The following RNF144A variants were observed in gnomAD, a reference collection of about 807,000 sequenced individuals.
RNF144A encodes E3 ubiquitin-protein ligase RNF144A.
A neutral mutation model predicts 38.7 loss-of-function variants in RNF144A; 11 were observed. That is an observed-to-expected ratio of 0.28 (90% confidence interval 0.18 to 0.47). The LOEUF (loss-of-function observed/expected upper bound fraction) is 0.47. RNF144A is among the 20% of genes least tolerant of loss of function. RNF144A has a pLI of 0.99. For synonymous variants in RNF144A, 149 were observed against 143.9 expected (o/e 1.04, Z -0.25); for missense variants, 316 against 377.2 (o/e 0.84, Z 1.34).
At chr2:6,959,865 C>T (rs1667231096) in intron 2 of RNF144A, among the ~76,000 whole-genome samples, 2 of 152,182 alleles carry the variant, frequency 1.3e-5, no homozygotes, top group South Asian at 4.1e-4. Flanking sequence ...AACCATAGCA[C>T]TGGAGCAGCA....
chr2:6,971,235 C>T (rs1030847604), intron 2 of RNF144A, among the ~76,000 whole-genome samples: 2 of 152,096 alleles, frequency 1.3e-5, no homozygotes, highest in African/African-American at 4.8e-5. Flanking sequence ...CCTCTTGGGA[C>T]GGGTGTGCTG....
At chr2:7,006,271 A>G (rs549372890) in intron 3 of RNF144A, among the ~76,000 whole-genome samples, 18 of 151,998 alleles carry the variant, frequency 1.2e-4, no homozygotes, top group African/African-American at 3.6e-4. Flanking sequence ...CTTGATGTGT[A>G]TTTTTCCTAA....
In RNF144A at chr2:7,039,912, C is replaced by T. The variant is rs990043368; in HGVS notation, c.*152C>T. On this transcript the variant is annotated 3_prime_UTR_variant, in exon 9 of 9. Transcript: ENST00000320892. ...AGGCTGGACGCCGTGATTTCAGGGA[C>T]CTATGTCACAATGTTCGCTGAGGCC... 2.1e-5 allele frequency: 30 copies of T among 1,437,102 alleles called. No homozygotes were observed. In the South Asian group the frequency reaches 4.4e-4, roughly 21 times the overall value. The allele number at this position is 1,437,102 out of a possible 1,614,324, so 89.0% of individuals were successfully genotyped here.
intron 1 of RNF144A, among the ~76,000 whole-genome samples, chr2:6,927,468 A>G (rs1183149000): frequency 1.3e-5 from 2 of 152,188 alleles, no homozygotes; most frequent in African/African-American, 4.8e-5. Flanking sequence ...TAGGCGACTG[A>G]TCAGGGCCTT....
chr2:7,051,289 G>A (rs1415612357), intron 6 of RNF144A, among the ~76,000 whole-genome samples: 1 of 152,192 alleles, frequency 6.6e-6, no homozygotes. Flanking sequence ...CAAACCTTCA[G>A]TGCAGAGCTG....
At chr2:6,977,395 A>G (rs181806513) in intron 2 of RNF144A, among the ~76,000 whole-genome samples, 428 of 152,368 alleles carry the variant, frequency 2.8e-3, no homozygotes, top group Non-Finnish European at 4.7e-3. Context: ...TCTTTTGAAC[A>G]TCGTAACATC....
At chr2:6,990,385 T>TACACACACACAC (rs60196595) in intron 2 of RNF144A, among the ~76,000 whole-genome samples, 3 of 123,902 alleles carry the variant, frequency 2.4e-5, no homozygotes, top group Non-Finnish European at 3.3e-5. Context: ...TATATATATT[T>TACACACACACAC]ACACACACAC....
Position 6,917,849 on chromosome 2 carries a change from C to A in RNF144A, c.-212+227C>A, listed in dbSNP as rs112707977. 6.6e-6 allele frequency among the ~76,000 whole-genome samples: 1 copy of A among 151,004 alleles called. No homozygotes were observed. Among genetic ancestry groups the A allele is most frequent in the East Asian group, 2.0e-4 (1 of 5,102 alleles). On this transcript the variant is annotated intron_variant, in intron 1 of 8. Transcript: ENST00000320892. The surrounding 1 kb of genome is among the most constrained non-coding windows in gnomAD (Gnocchi z 4.8). ...ACGCCCGCCCTGCCCTGCCCGTGTC[C>A]CTGACCTCGTCCCTGCTCTGCTCCT...
At chr2:7,023,925 G>C (rs1378891166) in intron 6 of RNF144A, among the ~76,000 whole-genome samples, 1 of 152,224 alleles carries the variant, frequency 6.6e-6, no homozygotes, top group Admixed American at 6.5e-5. Flanking sequence ...GTTTGTGTGT[G>C]TGTATTTGCA....
chr2:6,930,567 A>C (rs1016071342), intron 1 of RNF144A, among the ~76,000 whole-genome samples: 1 of 151,946 alleles, frequency 6.6e-6, no homozygotes, highest in African/African-American at 2.4e-5. Context: ...ATCTATCTGT[A>C]TATACATACA....
chr2:7,001,147 A>G (rs1357040930), intron 3 of RNF144A, among the ~76,000 whole-genome samples: 1 of 152,016 alleles, frequency 6.6e-6, no homozygotes, highest in Non-Finnish European at 1.5e-5. Flanking sequence ...TAAAAATACA[A>G]AAAGTATCTG....
At position 7,040,904 on chromosome 2, in the gene RNF144A, G is replaced by A. The variant is rs181346506; in HGVS notation, c.*1144G>A. On this transcript the variant is annotated 3_prime_UTR_variant, in exon 9 of 9. Transcript: ENST00000320892. ...GGAAAAGAACCTCCCATTTCACTTC[G>A]TTTTAACGTGGGGATTTTACCACTT... The A allele has an allele frequency of 5.2e-5, 51 of 985,442 alleles. No individual in the cohort carries two copies. In the African/African-American group the frequency reaches 7.8e-4, roughly 15 times the overall value. 61.0% of individuals were successfully genotyped at this position (985,442 alleles called of 1,614,324 possible). A position where few individuals can be genotyped will look rare whatever the true frequency, so the allele number is the denominator to read the frequency against.
chr2:6,951,612 C>A (rs1467222723), intron 2 of RNF144A, among the ~76,000 whole-genome samples: 4 of 152,156 alleles, frequency 2.6e-5, no homozygotes, highest in Admixed American at 2.0e-4. Flanking sequence ...TATCACTATC[C>A]ATGTATTTAT....
At chr2:7,057,342 G>C (rs1673780839) in intron 6 of RNF144A, among the ~76,000 whole-genome samples, 1 of 152,170 alleles carries the variant, frequency 6.6e-6, no homozygotes, top group African/African-American at 2.4e-5. Flanking sequence ...TGAGCGCTCT[G>C]TGTTCCATGC....
At chr2:6,969,786 C>T (rs1289094717) in intron 2 of RNF144A, among the ~76,000 whole-genome samples, 4 of 152,190 alleles carry the variant, frequency 2.6e-5, no homozygotes, top group African/African-American at 7.2e-5. Context: ...TTGTTTCAGA[C>T]AGTCTCGCTG....
At chr2:7,023,469 A>G (rs563295381) in intron 6 of RNF144A, among the ~76,000 whole-genome samples, 34 of 152,186 alleles carry the variant, frequency 2.2e-4, no homozygotes, top group African/African-American at 8.2e-4. Context: ...TCTCCTGCTG[A>G]TGTTTGTTTG....
chr2:6,946,693 A>G (rs1666365168), intron 2 of RNF144A, among the ~76,000 whole-genome samples: 1 of 152,202 alleles, frequency 6.6e-6, no homozygotes, highest in Non-Finnish European at 1.5e-5. Flanking sequence ...ATTGACAAAC[A>G]TGTAATTGAA....
At chr2:6,987,539 T>C (rs1295934615) in intron 2 of RNF144A, among the ~76,000 whole-genome samples, 1 of 152,206 alleles carries the variant, frequency 6.6e-6, no homozygotes, top group East Asian at 1.9e-4. Context: ...GACTTTCTGC[T>C]CAATTACCCT....
intron 1 of RNF144A, among the ~76,000 whole-genome samples, chr2:6,932,218 T>G (rs1299249178): frequency 3.9e-5 from 6 of 152,238 alleles, no homozygotes; most frequent in Non-Finnish European, 8.8e-5. Flanking sequence ...TTATTCGAAA[T>G]TAACATAGCT....
Sources: gnomAD v4.1 joint callset for allele counts (sites outside exome capture counted in the v4.1 genomes callset) on GRCh38, gnomAD v4.1.1 for gene constraint, Gnocchi (gnomAD v3.1) non-coding constraint, MANE v1.5 for transcripts, NCBI Gene and HGNC (gene_info 2026-07-23, HGNC 2026-07-21) for gene names.